Variants in LIMCH1 observed in about 807,000 individuals in gnomAD.
LIMCH1 encodes the protein LIM and calponin homology domains 1, also known as LIM and calponin homology domains-containing protein 1.
LIMCH1 carries 113 observed loss-of-function variants against 176.5 expected under a neutral mutation model. The ratio of observed to expected loss-of-function variants is 0.64; its 90% CI spans 0.55 to 0.75. LIMCH1 has a LOEUF of 0.75. Among genes scored for constraint, LIMCH1 ranks in the 30% least tolerant of loss-of-function variants. The pLI, the probability that LIMCH1 is intolerant of heterozygous loss-of-function variation, is 0.00. For missense variants in LIMCH1, 1,674 were observed against 1,814.9 expected, an observed-to-expected ratio of 0.92 and a Z score of 1.41; for synonymous variants, 619 against 645.9, an observed-to-expected ratio of 0.96 and a Z score of 0.63.
At chr4:41,518,124 G>A (rs958285049) in intron 2 of LIMCH1, among the ~76,000 whole-genome samples, 1 of 152,166 alleles carries the variant, frequency 6.6e-6, no homozygotes, top group Admixed American at 6.5e-5. Flanking sequence ...GAATTTCTGA[G>A]CTAAATGACT....
At chr4:41,647,115 TAAGACTG>T (rs2094098414) in intron 17 of LIMCH1, among the ~76,000 whole-genome samples, 1 of 152,190 alleles carries the variant, frequency 6.6e-6, no homozygotes, top group African/African-American at 2.4e-5. Context: ...TGGACTCCTA[TAAGACTG>T]ATAGTGGAGT....
chr4:41,494,510 T>C, intron 1 of LIMCH1: 1 of 1,580,426 alleles, frequency 6.3e-7, no homozygotes, highest in Non-Finnish European at 8.7e-7. Flanking sequence ...AAAACTTATG[T>C]GCTCTTTTTC....
intron 1 of LIMCH1, among the ~76,000 whole-genome samples, chr4:41,469,144 T>G (rs542525944): frequency 1.3e-5 from 2 of 152,278 alleles, no homozygotes; most frequent in South Asian, 4.2e-4. Flanking sequence ...TGGGAATTAG[T>G]AATCTGGGCC....
At chr4:41,419,201 G>A (rs917277518) in intron 1 of LIMCH1, among the ~76,000 whole-genome samples, 6 of 149,284 alleles carry the variant, frequency 4.0e-5, no homozygotes, top group Non-Finnish European at 8.9e-5. Flanking sequence ...ATTTTGAGAC[G>A]GAGTCTAGCT....
intron 2 of LIMCH1, among the ~76,000 whole-genome samples, chr4:41,497,541 C>T (rs1040399783): frequency 2.6e-5 from 4 of 152,134 alleles, no homozygotes; most frequent in South Asian, 2.1e-4. Context: ...CGGTGGCTCA[C>T]GCCTGTAATC....
upstream of LIMCH1, among the ~76,000 whole-genome samples, chr4:41,533,259 C>A (rs1303345103): frequency 2.0e-5 from 3 of 152,158 alleles, no homozygotes; most frequent in Non-Finnish European, 4.4e-5. Flanking sequence ...TTTGTCAGTT[C>A]TGCCTTATTC....
intron 1 of LIMCH1, among the ~76,000 whole-genome samples, chr4:41,573,680 G>A (rs1584319507): frequency 6.6e-6 from 1 of 152,154 alleles, no homozygotes; most frequent in Non-Finnish European, 1.5e-5. Context: ...AACTTGTGAT[G>A]AGCAATACTG....
At position 41,620,559 on chromosome 4, in the gene LIMCH1, C is replaced by A. The variant is rs1452107097; in HGVS notation, c.594C>A (p.His198Gln). The change falls in exon 7 of 32, where the codon CAC becomes CAA. Residue 198 changes from histidine (H) to glutamine (Q), a missense_variant. Coordinates refer to ENST00000503057, the MANE Select transcript of LIMCH1 (RefSeq NM_001330672.2). ...CELPDGSGKEHPSSDGAVVAP... is the reference protein window; with the variant it reads ...CELPDGSGKEQPSSDGAVVAP... ...TACCTGACGGCAGTGGTAAGGAGCA[C>A]CCTTCTTCAGACGGGGCTGTGGTGG... 2 of 1,536,330 alleles carry A rather than the reference C, an allele frequency of 1.3e-6. No individual in the cohort carries two copies. Among genetic ancestry groups the A allele is most frequent in the Non-Finnish European group, 1.7e-6 (2 of 1,146,974 alleles).
chr4:41,579,051 T>G (rs948873999), intron 1 of LIMCH1, among the ~76,000 whole-genome samples: 4 of 87,398 alleles, frequency 4.6e-5, no homozygotes, highest in Non-Finnish European at 6.6e-5. Context: ...AATGTGTGAT[T>G]TTTTTTTTTT....
At chr4:41,531,474 T>TCTCACACACACA (rs777097315) in intron 3 of LIMCH1, among the ~76,000 whole-genome samples, 1 of 126,986 alleles carries the variant, frequency 7.9e-6, no homozygotes, top group African/African-American at 3.3e-5. Context: ...TCTTTCTCTG[T>TCTCACACACACA]CACACACACA....
At chr4:41,479,140 T>A (rs746617301) in intron 1 of LIMCH1, among the ~76,000 whole-genome samples, 45 of 152,244 alleles carry the variant, frequency 3.0e-4, no homozygotes, top group Non-Finnish European at 6.3e-4. Context: ...TCCACTCTAC[T>A]ATTTTTTCGG....
chr4:41,405,875 G>A (rs867676486), intron 1 of LIMCH1, among the ~76,000 whole-genome samples: 2 of 152,142 alleles, frequency 1.3e-5, no homozygotes, highest in African/African-American at 4.8e-5. Flanking sequence ...AACTGTAATT[G>A]TTTAATTCAG....
At chr4:41,386,964 G>A (rs1053744688) in intron 1 of LIMCH1, among the ~76,000 whole-genome samples, 3 of 152,158 alleles carry the variant, frequency 2.0e-5, no homozygotes, top group Admixed American at 6.5e-5. Context: ...AAACACTGCA[G>A]CTTTTGGTTG....
chr4:41,494,188 A>T (rs978124691), intron 1 of LIMCH1, among the ~76,000 whole-genome samples: 2 of 152,048 alleles, frequency 1.3e-5, no homozygotes, highest in African/African-American at 4.8e-5. Context: ...ATTTAACTTT[A>T]GCTGATCTAG....
chr4:41,464,264 A>C (rs1316878475), intron 1 of LIMCH1, among the ~76,000 whole-genome samples: 1 of 151,114 alleles, frequency 6.6e-6, no homozygotes, highest in Non-Finnish European at 1.5e-5. Flanking sequence ...GGCTGTGTGC[A>C]TGCCATCTCC....
chr4:41,498,112 G>A (rs73142563), intron 2 of LIMCH1, among the ~76,000 whole-genome samples: 6,089 of 152,188 alleles, frequency 0.04, 409 homozygotes, highest in African/African-American at 0.14. Context: ...ATAAAAGTGA[G>A]GGCAAGAGAG....
Position 41,405,507 on chromosome 4 carries a change from G to A in LIMCH1, c.96+44571G>A, listed in dbSNP as rs200659668. ...TTGATTCATCTTTGCTTGGTCTTGTGTATTTCCATTGCATAGTCTGACTTA... is the reference window on the plus strand; with the variant it reads ...TTGATTCATCTTTGCTTGGTCTTGTATATTTCCATTGCATAGTCTGACTTA... On this transcript the variant is annotated intron_variant, in intron 1 of 26. Coordinates refer to the LIMCH1 transcript ENST00000313860. 1.4e-4 allele frequency among the ~76,000 whole-genome samples: 21 copies of A among 152,208 alleles called. No homozygotes were observed. In the East Asian group the frequency reaches 3.7e-3, roughly 27 times the overall value.
chr4:41,579,856 G>C (rs775250673), intron 1 of LIMCH1, among the ~76,000 whole-genome samples: 25 of 152,130 alleles, frequency 1.6e-4, no homozygotes, highest in Non-Finnish European at 3.7e-4. Context: ...ATGGTCTGTG[G>C]TGCCTGACAA....
intron 1 of LIMCH1, among the ~76,000 whole-genome samples, chr4:41,582,035 A>G (rs2085579058): frequency 6.6e-6 from 1 of 152,160 alleles, no homozygotes; most frequent in South Asian, 2.1e-4. Context: ...GGTTGTTCCC[A>G]TATTTTGGCT....
Sources: allele counts gnomAD v4.1 joint callset (sites outside exome capture counted in the v4.1 genomes callset), GRCh38; gene constraint gnomAD v4.1.1; transcripts MANE v1.5; gene names NCBI Gene and HGNC (gene_info 2026-07-23, HGNC 2026-07-21).